Variants in SPRY3 observed in about 807,000 individuals in gnomAD.
SPRY3 encodes protein sprouty homolog 3.
In SPRY3, 15 loss-of-function variants were observed where a neutral mutation model predicts 20.2. The ratio of observed to expected loss-of-function variants is 0.74; its 90% CI spans 0.50 to 1.14. The LOEUF is 1.14. SPRY3 is among the 50% of genes most tolerant of loss of function. The pLI, the probability that SPRY3 is intolerant of heterozygous loss-of-function variation, is 0.00. For missense variants in SPRY3, 364 were observed against 363.9 expected (o/e 1.00, Z 0.00); for synonymous variants, 143 against 136.5 (o/e 1.05, Z -0.33).
At chrX:155,773,307 GA>G (rs1391520142) in intron 3 of SPRY3, among the ~76,000 whole-genome samples, 13,736 of 120,618 alleles carry the variant, frequency 0.11, 868 homozygotes, top group African/African-American at 0.14. Context: ...ATTTTGATTG[GA>G]TATATATATA....
intron 2 of SPRY3, among the ~76,000 whole-genome samples, chrX:155,721,534 G>A (rs1196076338): frequency 6.6e-6 from 1 of 151,958 alleles, no homozygotes; most frequent in African/African-American, 2.4e-5. Flanking sequence ...CAAGGATAAA[G>A]AAAGGATCCT....
At chrX:155,767,914 GTT>G (rs1400581002) in intron 2 of SPRY3, 46 bp from the exon 2 acceptor site, 53 of 149,148 alleles carry the variant, frequency 3.6e-4, no homozygotes, top group East Asian at 1.2e-3. Flanking sequence ...TTTTTGTTTT[GTT>G]TTGTTTTGTT....
chrX:155,770,168 C>G (rs771936780), intron 3 of SPRY3, among the ~76,000 whole-genome samples: 1 of 152,252 alleles, frequency 6.6e-6, no homozygotes, highest in East Asian at 1.9e-4. Flanking sequence ...TCTCCTCTTC[C>G]TCACTCCACT....
intron 1 of SPRY3, among the ~76,000 whole-genome samples, chrX:155,638,057 A>G (rs1463685257): frequency 1.9e-5 from 2 of 104,713 alleles, no homozygotes; most frequent in African/African-American, 7.0e-5. Flanking sequence ...TTTCCAGAAT[A>G]TTTATAAAGT....
chrX:155,684,373 C>T, intron 2 of SPRY3, among the ~76,000 whole-genome samples: 1 of 110,847 alleles, frequency 9.0e-6, no homozygotes, highest in Middle Eastern at 4.6e-3. Flanking sequence ...GAGTAGGAAC[C>T]CTTCTCCGTC....
At chrX:155,616,075 AT>A (rs1314000993) in intron 1 of SPRY3, among the ~76,000 whole-genome samples, 6 of 81,847 alleles carry the variant, frequency 7.3e-5, no homozygotes, top group African/African-American at 2.8e-4. Flanking sequence ...TTTTACCCCT[AT>A]TTTTCCCTGC....
chrX:155,694,916 G>A (rs927291721), intron 2 of SPRY3, among the ~76,000 whole-genome samples: 3 of 111,493 alleles, frequency 2.7e-5, no homozygotes, highest in Non-Finnish European at 5.7e-5. Context: ...GTCACCTCTT[G>A]CTGTGTGGCC....
chrX:155,641,665 C>A (rs1272164562), intron 1 of SPRY3, among the ~76,000 whole-genome samples: 3 of 115,095 alleles, frequency 2.6e-5, no homozygotes, highest in African/African-American at 9.4e-5. Context: ...TGTATCAGAT[C>A]TTGAGGAAAA....
chrX:155,776,557 T>C (rs1056861096), exon 4 of SPRY3: 67 of 167,126 alleles, frequency 4.0e-4, no homozygotes, highest in African/African-American at 1.6e-3. Context: ...ACAAGAATTA[T>C]ACAGTTTCCC....
downstream of SPRY3, chrX:155,778,284 G>T (rs1475931384): frequency 6.0e-6 from 1 of 167,012 alleles, no homozygotes; most frequent in Non-Finnish European, 1.5e-5. Flanking sequence ...TGCAACCTAG[G>T]AGTTAAAATA....
chrX:155,774,723 G>C, exon 4 of SPRY3: 2 of 1,612,062 alleles, frequency 1.2e-6, no homozygotes. Context: ...CCAAGGCCCA[G>C]GAAAAGTCTG....
chrX:155,619,391 G>A (rs1186370444), intron 1 of SPRY3, among the ~76,000 whole-genome samples: 3 of 109,971 alleles, frequency 2.7e-5, no homozygotes, highest in Non-Finnish European at 5.7e-5. Context: ...ATTGATCTAA[G>A]TGTCTATCCT....
At chrX:155,732,287 G>A (rs1181220798) in intron 2 of SPRY3, among the ~76,000 whole-genome samples, 1 of 152,008 alleles carries the variant, frequency 6.6e-6, no homozygotes, top group East Asian at 1.9e-4. Context: ...TTAAATGAGT[G>A]CTGGTAGTGA....
intron 2 of SPRY3, among the ~76,000 whole-genome samples, chrX:155,731,652 C>T (rs1204992667): frequency 1.3e-5 from 2 of 151,940 alleles, no homozygotes; most frequent in Non-Finnish European, 2.9e-5. Context: ...CAAAAGTGGA[C>T]AAATGGGATC....
exon 2 of SPRY3, chrX:155,781,869 A>T (rs191011648): frequency 6.0e-6 from 1 of 166,472 alleles, no homozygotes; most frequent in Non-Finnish European, 1.5e-5. Context: ...TGTAGGTCGT[A>T]TGTGCCTTTA....
chrX:155,713,565 G>T (rs1406445588), intron 2 of SPRY3, among the ~76,000 whole-genome samples: 1 of 152,130 alleles, frequency 6.6e-6, no homozygotes, highest in East Asian at 1.9e-4. Context: ...AAAGTCTGCT[G>T]CCAGACATAT....
chrX:155,729,189 G>C (rs1481643515), intron 2 of SPRY3, among the ~76,000 whole-genome samples: 2 of 152,084 alleles, frequency 1.3e-5, no homozygotes, highest in Non-Finnish European at 2.9e-5. Flanking sequence ...TTCAGACTTA[G>C]TCTGCACTAT....
At chrX:155,732,366 TGAAAA>T (rs2091138792) in intron 2 of SPRY3, among the ~76,000 whole-genome samples, 1 of 151,986 alleles carries the variant, frequency 6.6e-6, no homozygotes, top group East Asian at 1.9e-4. Context: ...CAGATGTTTC[TGAAAA>T]GAAGAGATAC....
At chrX:155,673,809 C>T (rs782207440) in intron 2 of SPRY3, among the ~76,000 whole-genome samples, 1 of 112,198 alleles carries the variant, frequency 8.9e-6, no homozygotes, top group Non-Finnish European at 1.9e-5. Flanking sequence ...CCCTCTTTGC[C>T]TATAGTCGAT....
Sources: allele counts gnomAD v4.1 joint callset (sites outside exome capture counted in the v4.1 genomes callset), GRCh38; gene constraint gnomAD v4.1.1; transcripts MANE v1.5; gene names NCBI Gene and HGNC (gene_info 2026-07-23, HGNC 2026-07-21).